The following PSMG2 variants were observed in gnomAD, a reference collection of about 807,000 sequenced individuals.
PSMG2 encodes the protein proteasome assembly chaperone 2, also known as CD40 ligand-activated specific transcript 3.
PSMG2 carries 21 observed loss-of-function variants against 31.5 expected under a neutral mutation model. The observed-to-expected ratio is 0.67, with a 90% CI of 0.47 to 0.96. PSMG2 has a LOEUF of 0.96. Ranked by LOEUF, PSMG2 falls within the 40% of genes least tolerant of loss-of-function variation. The pLI is 0.00. For missense variants in PSMG2, 318 were observed against 321.2 expected, an observed-to-expected ratio of 0.99 and a Z score of 0.08; for synonymous variants, 120 against 110.4, an observed-to-expected ratio of 1.09 and a Z score of -0.54.
intron 1 of PSMG2, chr18:12,686,123 G>A: frequency 1.9e-6 from 1 of 528,328 alleles, no homozygotes; most frequent in Non-Finnish European, 3.1e-6. Flanking sequence ...GCAGTTGGTT[G>A]AATCTACAGA....
chr18:12,716,798 A>G (rs938226813), intron 3 of PSMG2, among the ~76,000 whole-genome samples: 2 of 151,996 alleles, frequency 1.3e-5, no homozygotes, highest in African/African-American at 4.8e-5. Flanking sequence ...TGACAAACCT[A>G]TAAGACAGAT....
Position 12,720,544 on chromosome 18 carries a change from C to CA in PSMG2, c.448dup (p.Ser150LysfsTer5). On this transcript the variant is annotated frameshift_variant, in exon 5 of 7. Transcript: ENST00000317615. LOFTEE classifies it high-confidence loss of function. ...CCGGTACCTACTTACACCTTCCATGCAAAAAAGTGTTCAAAATAAAATAAA... is the reference window on the plus strand; with the variant it reads ...CCGGTACCTACTTACACCTTCCATGCAAAAAAAGTGTTCAAAATAAAATAAA... 1.9e-6 allele frequency: 3 copies of CA among 1,610,796 alleles called. No individual in the cohort carries two copies. Among genetic ancestry groups the CA allele is most frequent in the African/African-American group, 1.3e-5 (1 of 74,650 alleles).
chr18:12,680,052 CAAA>C (rs560841557), intron 1 of PSMG2, among the ~76,000 whole-genome samples: 2 of 87,434 alleles, frequency 2.3e-5, no homozygotes, highest in Admixed American at 1.3e-4. Flanking sequence ...TGAGACACTG[CAAA>C]AAAAAAAAAA....
chr18:12,713,822 T>G (rs1196692975), intron 3 of PSMG2, among the ~76,000 whole-genome samples: 1 of 152,058 alleles, frequency 6.6e-6, no homozygotes, highest in African/African-American at 2.4e-5. Flanking sequence ...TGCACTGATG[T>G]GATCTCAACT....
chr18:12,701,162 A>G, upstream of PSMG2: 1 of 1,420,870 alleles, frequency 7.0e-7, no homozygotes, highest in Non-Finnish European at 9.7e-7. Flanking sequence ...AAGCAGTCAA[A>G]TACTGCTTCT....
intron 1 of PSMG2, among the ~76,000 whole-genome samples, chr18:12,696,713 T>C (rs959154642): frequency 6.6e-6 from 1 of 152,112 alleles, no homozygotes; most frequent in African/African-American, 2.4e-5. Context: ...ATAAATAAGA[T>C]AGGCACCAGC....
At chr18:12,713,868 C>T (rs138663577) in intron 3 of PSMG2, among the ~76,000 whole-genome samples, 1 of 152,142 alleles carries the variant, frequency 6.6e-6, no homozygotes, top group East Asian at 1.9e-4. Context: ...TCAAGTGATC[C>T]TCCTGCCTCA....
intron 2 of PSMG2, among the ~76,000 whole-genome samples, chr18:12,712,329 CAA>C (rs35775417): frequency 0.24 from 35,840 of 151,966 alleles, 4,885 homozygotes; most frequent in Non-Finnish European, 0.32. Context: ...TCTCTGGAGA[CAA>C]AGAGGGGAGA....
chr18:12,675,178 T>C (rs2039078397), intron 1 of PSMG2, among the ~76,000 whole-genome samples: 1 of 152,104 alleles, frequency 6.6e-6, no homozygotes, highest in African/African-American at 2.4e-5. Flanking sequence ...GGGCGGATCA[T>C]GAGGTCAGGA....
intron 3 of PSMG2, among the ~76,000 whole-genome samples, chr18:12,717,735 C>T (rs892832477): frequency 1.6e-4 from 25 of 152,156 alleles, no homozygotes; most frequent in African/African-American, 5.8e-4. Context: ...CAGAGTAAAA[C>T]TGGCCTGCCC....
At chr18:12,679,639 G>C (rs1250465049) in intron 1 of PSMG2, among the ~76,000 whole-genome samples, 1 of 152,096 alleles carries the variant, frequency 6.6e-6, no homozygotes, top group Non-Finnish European at 1.5e-5. Flanking sequence ...TCTAATGACA[G>C]GCTAAAGTAC....
intron 2 of PSMG2, among the ~76,000 whole-genome samples, chr18:12,710,293 A>G (rs1267238664): frequency 2.0e-5 from 3 of 152,104 alleles, no homozygotes; most frequent in African/African-American, 7.2e-5. Context: ...TTCACCATAA[A>G]TTTGATGTTC....
At chr18:12,667,934 T>C (rs191537535) in intron 1 of PSMG2, among the ~76,000 whole-genome samples, 9 of 130,796 alleles carry the variant, frequency 6.9e-5, no homozygotes, top group African/African-American at 2.3e-4. Flanking sequence ...AAAAGTAAAA[T>C]GGCAAACACA....
intron 1 of PSMG2, among the ~76,000 whole-genome samples, chr18:12,706,194 C>T (rs971857123): frequency 5.3e-5 from 8 of 152,204 alleles, no homozygotes; most frequent in Non-Finnish European, 7.3e-5. Context: ...GTGGGCCAGG[C>T]GTGTTGGCTC....
At chr18:12,713,973 A>G (rs1232730727) in intron 3 of PSMG2, among the ~76,000 whole-genome samples, 1 of 151,668 alleles carries the variant, frequency 6.6e-6, no homozygotes, top group Non-Finnish European at 1.5e-5. Flanking sequence ...CTGGTCTCCA[A>G]CTCCTGCCCT....
chr18:12,673,116 T>C (rs1029078282), intron 1 of PSMG2: 2 of 1,057,980 alleles, frequency 1.9e-6, no homozygotes, highest in Admixed American at 4.8e-5. Flanking sequence ...CAAAGTAGCA[T>C]TTATTAAAAT....
At chr18:12,716,314 C>T (rs2040375391) in intron 3 of PSMG2, among the ~76,000 whole-genome samples, 1 of 151,202 alleles carries the variant, frequency 6.6e-6, no homozygotes, top group Non-Finnish European at 1.5e-5. Context: ...GCTTTTTGTT[C>T]TCTTTCTAAT....
rs2040468394 is a variant in PSMG2 at position 12,725,518 on chromosome 18, C to T, written c.782C>T (p.Pro261Leu). The T allele has an allele frequency of 6.3e-7, 1 of 1,589,234 alleles. No individual in the cohort carries two copies. Among genetic ancestry groups the T allele is most frequent in the Non-Finnish European group, 8.6e-7 (1 of 1,158,246 alleles). ...TTACTCTTTGGCAGTGGTCTTCCCC[C>T]TGCACTTTTCTGATCTAATTTCTGT... is the stretch of plus-strand genomic sequence containing the variant. ...WRLLFGSGLP[P>L]ALF Residue 261 changes from proline (P) to leucine (L), a missense_variant, in exon 7 of 7, where the codon CCT becomes CTT. By Grantham distance (98) the Pro-to-Leu change is moderately conservative (BLOSUM62 -3). Coordinates refer to ENST00000317615, the MANE Select transcript of PSMG2 (RefSeq NM_020232.5).
At chr18:12,675,744 CTGCAACCT>C in intron 1 of PSMG2, among the ~76,000 whole-genome samples, 1 of 152,082 alleles carries the variant, frequency 6.6e-6, no homozygotes, top group Non-Finnish European at 1.5e-5. Context: ...TCTCGGCTCA[CTGCAACCT>C]CTGCCTCCCA....
Sources: allele counts gnomAD v4.1 joint callset (sites outside exome capture counted in the v4.1 genomes callset), GRCh38; gene constraint gnomAD v4.1.1; transcripts MANE v1.5; gene names NCBI Gene and HGNC (gene_info 2026-07-23, HGNC 2026-07-21).